PLBD1: variants seen among roughly 807,000 people sequenced by gnomAD.
PLBD1 encodes the protein phospholipase B domain containing 1.
PLBD1 carries 60 observed loss-of-function variants against 63.0 expected under a neutral mutation model. That is an observed-to-expected ratio of 0.95 (90% CI 0.77 to 1.18). The LOEUF (loss-of-function observed/expected upper bound fraction) is 1.18, where lower values mean the gene tolerates loss of function less well. Ranked by LOEUF, PLBD1 falls within the 50% of genes most tolerant of loss-of-function variation. The probability of loss-of-function intolerance (pLI) is 0.00; values close to 1 mark genes in which losing one functional copy is unlikely to be tolerated. For missense variants in PLBD1, 598 were observed against 677.9 expected, an observed-to-expected ratio of 0.88 and a Z score of 1.31; for synonymous variants, 262 against 248.0, an observed-to-expected ratio of 1.06 and a Z score of -0.53.
intron 4 of PLBD1, among the ~76,000 whole-genome samples, chr12:14,539,425 A>G (rs973421654): frequency 3.3e-5 from 5 of 151,470 alleles, no homozygotes; most frequent in African/African-American, 1.2e-4. Flanking sequence ...TAATATATTT[A>G]TCATCTATAT....
chr12:14,555,012 T>TA (rs1945690064), intron 1 of PLBD1, among the ~76,000 whole-genome samples: 1 of 152,218 alleles, frequency 6.6e-6, no homozygotes, highest in South Asian at 2.1e-4. Flanking sequence ...TCTCATAACT[T>TA]ATGTTTAATC....
intron 3 of PLBD1, 135 bp downstream of exon 3, chr12:14,542,073 A>G (rs1435526207): frequency 1.5e-6 from 1 of 656,794 alleles, no homozygotes; most frequent in Non-Finnish European, 2.7e-6. Flanking sequence ...AAAGTGCTAT[A>G]CCCTACTACA....
At chr12:14,545,990 A>G (rs952089837) in intron 2 of PLBD1, among the ~76,000 whole-genome samples, 1 of 152,186 alleles carries the variant, frequency 6.6e-6, no homozygotes, top group Admixed American at 6.5e-5. Flanking sequence ...GTGGGTGACA[A>G]GAAAGGGATC....
chr12:14,508,362 T>A (rs1447268965), intron 8 of PLBD1, among the ~76,000 whole-genome samples: 3 of 152,244 alleles, frequency 2.0e-5, no homozygotes, highest in African/African-American at 7.2e-5. Flanking sequence ...TACAATAGTA[T>A]CTAATACTTG....
At position 14,523,192 on chromosome 12, in the gene PLBD1, T is replaced by C. The variant is rs192318912; in HGVS notation, c.845-11481A>G. Among the ~76,000 whole-genome samples the C allele has an allele frequency of 3.1e-3, 478 of 152,138 alleles. 2 individuals are homozygous for C. Among genetic ancestry groups the C allele is most frequent in the African/African-American group, 0.011 (466 of 41,520 alleles). The stretch of plus-strand genomic sequence containing the variant: ...TATAAAATCAATATACAAAAATCTA[T>C]AGCATTTCTATATGACAATAGCAGA... On this transcript the variant is annotated intron_variant, in intron 6 of 10. Transcript: ENST00000240617.
intron 1 of PLBD1, among the ~76,000 whole-genome samples, chr12:14,562,676 TG>T (rs1945750662): frequency 6.6e-6 from 1 of 152,190 alleles, no homozygotes; most frequent in Non-Finnish European, 1.5e-5. Context: ...TTCGAAAGAT[TG>T]TAACATATAA....
rs181369150 is a variant in PLBD1 at position 14,560,009 on chromosome 12, C to T, written c.116-6597G>A. ...CCAAGTTGCTGGGATTACAGGCATG[C>T]GCCGCCACGCCTGGCTAATTTTGTA... On this transcript the variant is annotated intron_variant, in intron 1 of 10. Coordinates refer to ENST00000240617, the MANE Select transcript of PLBD1 (RefSeq NM_024829.6). Among the ~76,000 whole-genome samples, 759 of 152,018 alleles carry T rather than the reference C, an allele frequency of 5.0e-3. 3 individuals are homozygous for T. The highest frequency in any genetic ancestry group is 8.4e-3 in the Non-Finnish European group (570 of 67,972).
chr12:14,527,936 G>C (rs1475602727), intron 6 of PLBD1, among the ~76,000 whole-genome samples: 2 of 150,844 alleles, frequency 1.3e-5, no homozygotes, highest in Non-Finnish European at 3.0e-5. Flanking sequence ...AGTTGTACTA[G>C]AGACAAAAAA....
chr12:14,567,864 G>T lies in PLBD1; in HGVS notation c.-168C>A. 1 of 962,118 alleles carries T rather than the reference G, an allele frequency of 1.0e-6. No homozygotes were observed. Among genetic ancestry groups the T allele is most frequent in the Non-Finnish European group, 1.4e-6 (1 of 715,006 alleles). 59.6% of individuals were successfully genotyped at this position (962,118 alleles called of 1,614,324 possible). On this transcript the variant is annotated 5_prime_UTR_variant, in exon 1 of 11. Coordinates refer to ENST00000240617, the MANE Select transcript of PLBD1 (RefSeq NM_024829.6). ...CCCGGCCTGCTCCGGGCTCTGAGGG[G>T]CGAGGACGCTTCACGTGGTGGCCTG...
intron 1 of PLBD1, among the ~76,000 whole-genome samples, chr12:14,556,933 G>A (rs914981716): frequency 5.1e-5 from 7 of 138,362 alleles, no homozygotes; most frequent in South Asian, 2.4e-4. Context: ...GCAGTGAGCC[G>A]AGATCGTGCT....
intron 6 of PLBD1, among the ~76,000 whole-genome samples, chr12:14,526,698 C>A (rs1365749920): frequency 1.3e-5 from 2 of 152,302 alleles, no homozygotes; most frequent in Non-Finnish European, 2.9e-5. Context: ...CAAGGCCGGG[C>A]ATGGTGGGTC....
chr12:14,542,655 TC>T (rs1361616312), intron 2 of PLBD1, among the ~76,000 whole-genome samples: 1 of 152,254 alleles, frequency 6.6e-6, no homozygotes, highest in Non-Finnish European at 1.5e-5. Flanking sequence ...CAGTCTTGAA[TC>T]TGATTATTCC....
Position 14,520,834 on chromosome 12 carries a change from T to C in PLBD1, c.845-9123A>G, listed in dbSNP as rs149603094. Among the ~76,000 whole-genome samples, 1,025 of 152,312 alleles carry C rather than the reference T, an allele frequency of 6.7e-3. 12 individuals carry two copies. The highest frequency in any genetic ancestry group is 0.023 in the African/African-American group (958 of 41,568). On this transcript the variant is annotated intron_variant, in intron 6 of 10. Transcript: ENST00000240617. Reference sequence around the variant, plus strand: ...TGCAAACACCTACAGTCTTTGCTGCTTGAGAATTCTGCAGTTTTCACAAGT... The same window carrying C: ...TGCAAACACCTACAGTCTTTGCTGCCTGAGAATTCTGCAGTTTTCACAAGT...
intron 4 of PLBD1, among the ~76,000 whole-genome samples, chr12:14,538,041 T>A (rs1003905051): frequency 6.6e-6 from 1 of 152,016 alleles, no homozygotes; most frequent in African/African-American, 2.4e-5. Context: ...GTCTTGTAAA[T>A]AAAATTTTTA....
chr12:14,556,459 T>C (rs1945705436), intron 1 of PLBD1, among the ~76,000 whole-genome samples: 1 of 151,712 alleles, frequency 6.6e-6, no homozygotes, highest in South Asian at 2.1e-4. Flanking sequence ...AAACTCCACC[T>C]CCCAGTTTCA....
Position 14,506,506 on chromosome 12 carries a change from A to G in PLBD1, c.1373-238T>C, listed in dbSNP as rs1036934150. On this transcript the variant is annotated intron_variant, in intron 9 of 10. Transcript: ENST00000240617. ...CCTTACACAGTGAAAAATGGATGGG[A>G]AAGAGAACCAGATAAACGTCCATCA... Among the ~76,000 whole-genome samples the G allele has an allele frequency of 2.6e-5, 4 of 152,212 alleles. No homozygotes were observed. In the East Asian group the frequency reaches 7.7e-4, roughly 29 times the overall value.
intron 6 of PLBD1, among the ~76,000 whole-genome samples, chr12:14,532,089 C>A (rs536675219): frequency 5.3e-5 from 8 of 152,192 alleles, no homozygotes; most frequent in Non-Finnish European, 1.0e-4. Context: ...AACCCTCCCC[C>A]ACCTTCACTC....
chr12:14,508,360 T>C (rs1396560374), intron 8 of PLBD1, among the ~76,000 whole-genome samples: 1 of 152,248 alleles, frequency 6.6e-6, no homozygotes, highest in Non-Finnish European at 1.5e-5. Context: ...CTTACAATAG[T>C]ATCTAATACT....
At chr12:14,515,129 T>C (rs1945328441) in intron 6 of PLBD1, among the ~76,000 whole-genome samples, 1 of 152,184 alleles carries the variant, frequency 6.6e-6, no homozygotes, top group Non-Finnish European at 1.5e-5. Context: ...GCAACAACAG[T>C]TACTCAACAC....
Sources: gnomAD v4.1 joint callset for allele counts (sites outside exome capture counted in the v4.1 genomes callset) on GRCh38, gnomAD v4.1.1 for gene constraint, MANE v1.5 for transcripts, NCBI Gene and HGNC (gene_info 2026-07-23, HGNC 2026-07-21) for gene names.